Variants in BMPER observed in about 807,000 individuals in gnomAD.
BMPER encodes BMP-binding endothelial regulator protein.
In BMPER, 45 loss-of-function variants were observed where a neutral mutation model predicts 87.3. That is an observed-to-expected ratio of 0.52 (90% CI 0.41 to 0.66). The LOEUF is 0.66. Among genes scored for constraint, BMPER ranks in the 30% least tolerant of loss-of-function variants. BMPER has a pLI of 0.00. For synonymous variants in BMPER, 326 were observed against 316.2 expected, an observed-to-expected ratio of 1.03 and a Z score of -0.33; for missense variants, 784 against 867.5, an observed-to-expected ratio of 0.90 and a Z score of 1.21.
rs564875446 is a variant in BMPER, at chr7:34,115,947, C to A, written c.1746-27283C>A. On this transcript the variant is annotated intron_variant, in intron 13 of 14. Transcript: ENST00000649409. ...AGTGGCTGCTCTTTTGCGTTCTGAG[C>A]GTTCTGATTTCTCCACATCCTTGCC... Among the ~76,000 whole-genome samples, 4 of 152,254 alleles carry A rather than the reference C, an allele frequency of 2.6e-5. No homozygotes were observed. The South Asian group carries it at 6.2e-4, about 24-fold the overall frequency.
chr7:34,078,793 C>T, intron 11 of BMPER, 64 bp from the exon 12 acceptor site: 1 of 1,555,886 alleles, frequency 6.4e-7, no homozygotes, highest in Non-Finnish European at 8.9e-7. Context: ...GCAGGTGCCC[C>T]TGATTTCTCT....
At chr7:34,054,611 G>C (rs1453678327) in intron 8 of BMPER, among the ~76,000 whole-genome samples, 2 of 152,170 alleles carry the variant, frequency 1.3e-5, no homozygotes. Flanking sequence ...CTACATTAGA[G>C]CTCTGGAACC....
At chr7:34,084,475 G>T (rs958342023) in intron 12 of BMPER, among the ~76,000 whole-genome samples, 5 of 152,210 alleles carry the variant, frequency 3.3e-5, no homozygotes, top group Non-Finnish European at 7.3e-5. Flanking sequence ...CCATGCCACA[G>T]GTGGCCACTT....
chr7:34,097,430 C>G (rs1395979176), intron 13 of BMPER, among the ~76,000 whole-genome samples: 2 of 152,192 alleles, frequency 1.3e-5, no homozygotes, highest in African/African-American at 4.8e-5. Context: ...TGTTTTCCAC[C>G]ATTAACTATG....
At chr7:34,019,260 C>A (rs1454137605) in intron 6 of BMPER, among the ~76,000 whole-genome samples, 3 of 151,996 alleles carry the variant, frequency 2.0e-5, no homozygotes, top group African/African-American at 7.2e-5. Flanking sequence ...GGTTCTAATT[C>A]TTTAATAAAT....
chr7:34,149,966 G>A (rs1328363209), intron 14 of BMPER, among the ~76,000 whole-genome samples: 1 of 152,192 alleles, frequency 6.6e-6, no homozygotes, highest in Non-Finnish European at 1.5e-5. Flanking sequence ...TAAGTAGATA[G>A]GGAGAAGATT....
At chr7:34,141,064 G>A (rs1790853594) in intron 13 of BMPER, among the ~76,000 whole-genome samples, 1 of 152,202 alleles carries the variant, frequency 6.6e-6, no homozygotes. Flanking sequence ...ATGTCGCTGT[G>A]AAGTCTGAGC....
At chr7:34,007,265 G>T (rs183200576) in intron 6 of BMPER, among the ~76,000 whole-genome samples, 46 of 152,146 alleles carry the variant, frequency 3.0e-4, no homozygotes, top group Admixed American at 3.0e-3. Context: ...AACTTTTCCT[G>T]TACTTTGCTC....
intron 6 of BMPER, among the ~76,000 whole-genome samples, chr7:34,021,268 T>C (rs1358944376): frequency 4.6e-5 from 7 of 152,072 alleles, no homozygotes; most frequent in Non-Finnish European, 8.8e-5. Context: ...ATTTCCTTTA[T>C]CTAATTGAGA....
chr7:34,069,215 C>T (rs561917736), intron 11 of BMPER, among the ~76,000 whole-genome samples: 3 of 152,168 alleles, frequency 2.0e-5, no homozygotes, highest in South Asian at 2.1e-4. Context: ...TACAGCTAAA[C>T]GACAAAACAA....
intron 6 of BMPER, among the ~76,000 whole-genome samples, chr7:34,039,487 T>G (rs575116631): frequency 1.3e-4 from 20 of 152,118 alleles, no homozygotes; most frequent in Non-Finnish European, 2.4e-4. Context: ...AGGCCAGGGA[T>G]GCTGCTGTAC....
At chr7:34,139,749 C>T (rs1029766167) in intron 13 of BMPER, among the ~76,000 whole-genome samples, 1 of 152,162 alleles carries the variant, frequency 6.6e-6, no homozygotes, top group Non-Finnish European at 1.5e-5. Flanking sequence ...AACATTTCCT[C>T]ATATTTAAAA....
chr7:34,072,159 A>G (rs1305699900), intron 11 of BMPER, among the ~76,000 whole-genome samples: 1 of 152,180 alleles, frequency 6.6e-6, no homozygotes, highest in African/African-American at 2.4e-5. Flanking sequence ...TGAGGATGAA[A>G]GGGGATAGTG....
In BMPER at chr7:33,999,913, G is replaced by A. The variant is rs117656121; in HGVS notation, c.576+25129G>A. ...TTCTCAGAACTTAAAAGGCCACTAC[G>A]CTCAGAAATGAAGTGGAGACCTCAT... On this transcript the variant is annotated intron_variant, in intron 6 of 14. Transcript: ENST00000649409. Among the ~76,000 whole-genome samples the A allele has an allele frequency of 8.5e-5, 13 of 152,224 alleles. No homozygotes were observed. In the East Asian group the frequency reaches 1.7e-3, roughly 20 times the overall value.
At chr7:34,030,967 T>C (rs1787503919) in intron 6 of BMPER, among the ~76,000 whole-genome samples, 1 of 151,950 alleles carries the variant, frequency 6.6e-6, no homozygotes, top group East Asian at 1.9e-4. Flanking sequence ...TGAGGAAGAC[T>C]GAGGTGAATG....
chr7:34,143,400 T>G, intron 14 of BMPER, 40 bp downstream of exon 14: 1 of 1,612,500 alleles, frequency 6.2e-7, no homozygotes, highest in Non-Finnish European at 8.5e-7. Context: ...AAAAGTTTAC[T>G]GCAATGCCCA....
chr7:33,965,633 G>A (rs1012713913), intron 3 of BMPER, among the ~76,000 whole-genome samples: 18 of 152,186 alleles, frequency 1.2e-4, no homozygotes, highest in Admixed American at 1.2e-3. Flanking sequence ...TGCCTAGTGG[G>A]CTTCTAAGGA....
intron 10 of BMPER, among the ~76,000 whole-genome samples, chr7:34,059,427 G>T (rs1788373214): frequency 6.6e-6 from 1 of 152,084 alleles, no homozygotes; most frequent in Non-Finnish European, 1.5e-5. Context: ...CGTTCTTTAT[G>T]TCACTGGTGT....
chr7:33,928,379 G>T (rs1436919760), intron 2 of BMPER, among the ~76,000 whole-genome samples: 4 of 152,070 alleles, frequency 2.6e-5, no homozygotes, highest in Non-Finnish European at 5.9e-5. Flanking sequence ...ATGTGCTGTT[G>T]CCAGCAGACC....
Sources: allele counts gnomAD v4.1 joint callset (sites outside exome capture counted in the v4.1 genomes callset), GRCh38; gene constraint gnomAD v4.1.1; transcripts MANE v1.5; gene names NCBI Gene and HGNC (gene_info 2026-07-23, HGNC 2026-07-21).